The following MLIP variants were observed in gnomAD, a reference collection of about 807,000 sequenced individuals.
The protein encoded by MLIP is muscular LMNA-interacting protein.
A neutral mutation model predicts 84.8 loss-of-function variants in MLIP; 79 were observed. That is an observed-to-expected ratio of 0.93 (90% CI 0.78 to 1.12). MLIP has a LOEUF of 1.12. Among genes scored for constraint, MLIP ranks in the 50% most tolerant of loss-of-function variants. MLIP has a pLI of 0.00. For missense variants in MLIP, 1,257 were observed against 1,160.6 expected (o/e 1.08, Z -1.21); for synonymous variants, 504 against 463.0 (o/e 1.09, Z -1.14).
At chr6:54,231,901 G>A (rs1332105905) in intron 12 of MLIP, among the ~76,000 whole-genome samples, 1 of 151,930 alleles carries the variant, frequency 6.6e-6, no homozygotes, top group Non-Finnish European at 1.5e-5. Context: ...TCATCTAAAA[G>A]CAAAAACTAT....
At chr6:54,108,612 T>C (rs530360691), upstream of MLIP, among the ~76,000 whole-genome samples, 1 of 152,348 alleles carries the variant, frequency 6.6e-6, no homozygotes, top group South Asian at 2.1e-4. Context: ...TAACAGCAAT[T>C]ATTAGTTAAT....
chr6:54,112,320 G>A (rs951844421), intron 1 of MLIP, among the ~76,000 whole-genome samples: 1 of 152,158 alleles, frequency 6.6e-6, no homozygotes, highest in Admixed American at 6.5e-5. Flanking sequence ...TAGTCTACTG[G>A]CTAATATGTG....
chr6:54,202,215 C>A lies in MLIP; in HGVS notation c.2700C>A (p.Ser900Arg). The A allele has an allele frequency of 6.4e-7, 1 of 1,571,602 alleles. No homozygotes were observed. ...TCAGTAAATACTTGGAAGATAACAG[C>A]GACCTCTTTTCTGAACAGGTGAGCA... ...NPFSKYLEDN[S>R]DLFSEQDVTV... Residue 900 changes from serine (S) to arginine (R), a missense_variant, in exon 11 of 14, where the codon AGC becomes AGA. By Grantham distance (110) the Ser-to-Arg change is moderately radical. Transcript: ENST00000502396.
intron 12 of MLIP, among the ~76,000 whole-genome samples, chr6:54,252,188 A>G (rs1173589685): frequency 1.8e-5 from 2 of 109,116 alleles, no homozygotes; most frequent in African/African-American, 7.7e-5. Context: ...ATAATATATA[A>G]CTATAATATA....
At chr6:54,028,428 G>A (rs1365235602) in intron 1 of MLIP, among the ~76,000 whole-genome samples, 1 of 152,138 alleles carries the variant, frequency 6.6e-6, no homozygotes, top group Admixed American at 6.5e-5. Flanking sequence ...TTGCTTTCCT[G>A]AACCTGTTAT....
At chr6:54,086,128 T>C (rs1250871694) in intron 1 of MLIP, among the ~76,000 whole-genome samples, 1 of 152,218 alleles carries the variant, frequency 6.6e-6, no homozygotes, top group East Asian at 1.9e-4. Flanking sequence ...TTACCACCTC[T>C]GCATGTGTGT....
intron 12 of MLIP, among the ~76,000 whole-genome samples, chr6:54,247,325 GTT>G (rs1782148839): frequency 6.6e-6 from 1 of 152,086 alleles, no homozygotes; most frequent in African/African-American, 2.4e-5. Context: ...ATCCTTTGAA[GTT>G]TGAATAAAAA....
At chr6:54,186,459 T>A (rs962927204) in intron 9 of MLIP, among the ~76,000 whole-genome samples, 1 of 152,190 alleles carries the variant, frequency 6.6e-6, no homozygotes, top group Non-Finnish European at 1.5e-5. Flanking sequence ...CTTCCAAGTT[T>A]GTATTAGCCC....
At chr6:54,156,568 C>A (rs1774052413) in intron 5 of MLIP, among the ~76,000 whole-genome samples, 1 of 152,028 alleles carries the variant, frequency 6.6e-6, no homozygotes, top group African/African-American at 2.4e-5. Context: ...TGATGGTAAA[C>A]AAATTTAACT....
intron 10 of MLIP, among the ~76,000 whole-genome samples, chr6:54,191,966 AATT>A (rs1777961526): frequency 6.6e-6 from 1 of 151,242 alleles, no homozygotes. Flanking sequence ...TCCTTTAAGA[AATT>A]ATTTCAAAGT....
chr6:54,147,613 G>A (rs1045313496), intron 4 of MLIP, among the ~76,000 whole-genome samples: 1 of 152,150 alleles, frequency 6.6e-6, no homozygotes, highest in Non-Finnish European at 1.5e-5. Context: ...TGGAAGATAA[G>A]TAAACATTCA....
intron 3 of MLIP, among the ~76,000 whole-genome samples, chr6:54,132,304 A>T (rs550925568): frequency 4.9e-4 from 74 of 152,306 alleles, no homozygotes; most frequent in African/African-American, 1.7e-3. Context: ...TGTTAGGATC[A>T]GGGAGCTAGG....
chr6:54,040,468 G>C (rs534664700), intron 1 of MLIP, among the ~76,000 whole-genome samples: 1 of 152,092 alleles, frequency 6.6e-6, no homozygotes, highest in Admixed American at 6.6e-5. Flanking sequence ...GTGTTGATGG[G>C]AATGTAAATT....
Position 54,091,097 on chromosome 6 carries a change from C to T in MLIP, c.64-30350C>T, listed in dbSNP as rs954733354. 2.6e-5 allele frequency among the ~76,000 whole-genome samples: 4 copies of T among 152,090 alleles called. No homozygotes were observed. The South Asian group carries it at 8.3e-4, about 32-fold the overall frequency. On this transcript the variant is annotated intron_variant, in intron 1 of 12. Transcript: ENST00000274897. The stretch of plus-strand genomic sequence containing the variant: ...CACTAGAGGCCAGGAGCACACCTCT[C>T]CCACTTTTTATGACAACCAAAATGT...
chr6:54,123,124 A>G (rs1309891572), intron 2 of MLIP, among the ~76,000 whole-genome samples: 2 of 150,828 alleles, frequency 1.3e-5, no homozygotes, highest in Non-Finnish European at 3.0e-5. Context: ...TTTAGTAGAG[A>G]CGGGGTTTAA....
chr6:54,115,311 G>A (rs1769817033), intron 1 of MLIP, among the ~76,000 whole-genome samples: 1 of 152,060 alleles, frequency 6.6e-6, no homozygotes, highest in African/African-American at 2.4e-5. Flanking sequence ...GGATTTGAGG[G>A]GTATCCAAAA....
chr6:54,059,340 C>A (rs1765835136), intron 1 of MLIP, among the ~76,000 whole-genome samples: 1 of 152,140 alleles, frequency 6.6e-6, no homozygotes, highest in African/African-American at 2.4e-5. Context: ...TATGTAGATC[C>A]CTCAGAACTC....
At chr6:54,085,555 G>C (rs776809535) in intron 1 of MLIP, among the ~76,000 whole-genome samples, 8 of 152,154 alleles carry the variant, frequency 5.3e-5, no homozygotes, top group Non-Finnish European at 8.8e-5. Flanking sequence ...TATTTGAAGA[G>C]ATCATATTTC....
At chr6:54,259,529 AC>A (rs1783245102) in intron 13 of MLIP, among the ~76,000 whole-genome samples, 1 of 151,938 alleles carries the variant, frequency 6.6e-6, no homozygotes, top group Admixed American at 6.6e-5. Context: ...AATGCAAAAG[AC>A]TTTGTGAGCC....
Sources: gnomAD v4.1 joint callset for allele counts (sites outside exome capture counted in the v4.1 genomes callset) on GRCh38, gnomAD v4.1.1 for gene constraint, MANE v1.5 for transcripts, NCBI Gene and HGNC (gene_info 2026-07-23, HGNC 2026-07-21) for gene names.